The following SAMD5 variants were observed in gnomAD, a reference collection of about 807,000 sequenced individuals.
SAMD5 encodes the protein sterile alpha motif domain-containing protein 5.
In SAMD5, 13 loss-of-function variants were observed where a neutral mutation model predicts 11.3. That is an observed-to-expected ratio of 1.15 (90% CI 0.75 to 1.83). The LOEUF (loss-of-function observed/expected upper bound fraction) is 1.83, where lower values mean the gene tolerates loss of function less well. SAMD5 is among the 40% of genes most tolerant of loss of function. SAMD5 has a pLI of 0.00. For synonymous variants in SAMD5, 129 were observed against 111.3 expected, an observed-to-expected ratio of 1.16 and a Z score of -1.00; for missense variants, 255 against 239.1, an observed-to-expected ratio of 1.07 and a Z score of -0.44.
chr6:147,621,784 C>T (rs76626909), intron 1 of SAMD5, among the ~76,000 whole-genome samples: 2,543 of 152,094 alleles, frequency 0.017, 25 homozygotes, highest in African/African-American at 0.033. Context: ...ATTTTTGGAC[C>T]GTGAAGGGGA....
the SAMD5 span, among the ~76,000 whole-genome samples, chr6:147,858,767 C>T: frequency 1.3e-5 from 2 of 152,148 alleles, no homozygotes; most frequent in African/African-American, 4.8e-5. Flanking sequence ...ATGGTGAATT[C>T]ACTTCTCATG....
chr6:147,946,803 G>A, the SAMD5 span, among the ~76,000 whole-genome samples: 1 of 152,136 alleles, frequency 6.6e-6, no homozygotes, highest in African/African-American at 2.4e-5. Flanking sequence ...TAACTAATTA[G>A]CAACTGAAAT....
chr6:147,536,910 T>C (rs1027967993), intron 1 of SAMD5, among the ~76,000 whole-genome samples: 1 of 152,168 alleles, frequency 6.6e-6, no homozygotes. Context: ...AAGTTATTTA[T>C]CAGAAACCCA....
intron 1 of SAMD5, among the ~76,000 whole-genome samples, chr6:147,548,453 G>A (rs1788719223): frequency 1.3e-5 from 2 of 152,250 alleles, no homozygotes; most frequent in Admixed American, 1.3e-4. Flanking sequence ...AGAATTATGT[G>A]TTCCCTGTTA....
chr6:147,877,847 TACAC>T, the SAMD5 span, among the ~76,000 whole-genome samples: 89 of 113,122 alleles, frequency 7.9e-4, no homozygotes, highest in Middle Eastern at 4.5e-3. Context: ...TTTATATAAA[TACAC>T]ACACACACAC....
exon 2 of SAMD5, chr6:147,737,499 T>C: frequency 3.0e-6 from 1 of 332,438 alleles, no homozygotes; most frequent in South Asian, 2.5e-5. Context: ...GCAGTGTTTG[T>C]ATGATGGCAC....
At chr6:147,793,150 A>G in the SAMD5 span, among the ~76,000 whole-genome samples, 27 of 151,170 alleles carry the variant, frequency 1.8e-4, no homozygotes, top group Non-Finnish European at 3.7e-4. Context: ...ATCAAGGTCA[A>G]CATCAACAAC....
At chr6:147,808,083 T>A in the SAMD5 span, among the ~76,000 whole-genome samples, 1 of 152,214 alleles carries the variant, frequency 6.6e-6, no homozygotes, top group Non-Finnish European at 1.5e-5. Flanking sequence ...CTAGACAAGC[T>A]GGTAGCATCA....
the SAMD5 span, among the ~76,000 whole-genome samples, chr6:147,799,857 A>G: frequency 2.9e-3 from 440 of 152,276 alleles, 2 homozygotes; most frequent in African/African-American, 0.01. Flanking sequence ...CCAGTTGATC[A>G]CATCGGCTCC....
chr6:147,833,244 T>C, the SAMD5 span, among the ~76,000 whole-genome samples: 1 of 152,236 alleles, frequency 6.6e-6, no homozygotes, highest in East Asian at 1.9e-4. Flanking sequence ...CCTCATTTTA[T>C]ACTTATTTCT....
chr6:147,622,899 A>G (rs1789992719), intron 1 of SAMD5, among the ~76,000 whole-genome samples: 1 of 152,190 alleles, frequency 6.6e-6, no homozygotes, highest in African/African-American at 2.4e-5. Context: ...GCAAGAGAGA[A>G]TGAGATCTAA....
chr6:147,520,732 A>G (rs1788240621), intron 1 of SAMD5, among the ~76,000 whole-genome samples: 2 of 152,150 alleles, frequency 1.3e-5, no homozygotes, highest in African/African-American at 4.8e-5. Flanking sequence ...TCCTAGCTTT[A>G]TTAAGATATA....
chr6:147,841,117 G>A, the SAMD5 span, among the ~76,000 whole-genome samples: 2 of 152,346 alleles, frequency 1.3e-5, no homozygotes, highest in African/African-American at 4.8e-5. Flanking sequence ...GAATTTAAGA[G>A]ACAACTCTGG....
intron 1 of SAMD5, among the ~76,000 whole-genome samples, chr6:147,516,099 C>T (rs1194712066): frequency 6.6e-6 from 1 of 152,120 alleles, no homozygotes; most frequent in Non-Finnish European, 1.5e-5. Flanking sequence ...GGCTGACCAC[C>T]ATTAACAAAA....
At chr6:147,637,784 A>G (rs1466945717) in intron 1 of SAMD5, among the ~76,000 whole-genome samples, 2 of 152,156 alleles carry the variant, frequency 1.3e-5, no homozygotes, top group East Asian at 3.9e-4. Context: ...CTGTTTCAGG[A>G]AAACGAATGG....
At chr6:147,707,399 A>C (rs1791338383) in intron 1 of SAMD5, among the ~76,000 whole-genome samples, 1 of 152,206 alleles carries the variant, frequency 6.6e-6, no homozygotes, top group Admixed American at 6.5e-5. Flanking sequence ...GAAGGTGAAC[A>C]AAATGTTGAA....
chr6:147,589,008 C>T (rs1040218576), intron 1 of SAMD5, among the ~76,000 whole-genome samples: 6 of 151,922 alleles, frequency 3.9e-5, no homozygotes, highest in Middle Eastern at 6.8e-3. Context: ...CCGAGGCTGG[C>T]GTGCAGTGGC....
chr6:147,593,987 G>C (rs1209194680), intron 1 of SAMD5, among the ~76,000 whole-genome samples: 5 of 152,068 alleles, frequency 3.3e-5, no homozygotes, highest in African/African-American at 1.2e-4. Flanking sequence ...AATTAGCCTG[G>C]CTTGGTGTGC....
chr6:147,893,193 ACT>A, the SAMD5 span, among the ~76,000 whole-genome samples: 11 of 149,512 alleles, frequency 7.4e-5, no homozygotes, highest in African/African-American at 2.4e-4. Flanking sequence ...TGAGAGCGAA[ACT>A]CTGTCTAGAA....
Sources: gnomAD v4.1 joint callset for allele counts (sites outside exome capture counted in the v4.1 genomes callset) on GRCh38, gnomAD v4.1.1 for gene constraint, MANE v1.5 for transcripts, NCBI Gene and HGNC (gene_info 2026-07-23, HGNC 2026-07-21) for gene names.